The following UNC5C variants were observed in gnomAD, a reference collection of about 807,000 sequenced individuals.
UNC5C encodes unc-5 netrin receptor C.
A neutral mutation model predicts 99.8 loss-of-function variants in UNC5C; 47 were observed. The observed-to-expected ratio is 0.47, with a 90% CI of 0.37 to 0.60. The LOEUF is 0.60. Ranked by LOEUF, UNC5C falls within the 20% of genes least tolerant of loss-of-function variation. UNC5C has a pLI of 0.00. For missense variants in UNC5C, 1,062 were observed against 1,165.9 expected (o/e 0.91, Z 1.30); for synonymous variants, 487 against 452.2 (o/e 1.08, Z -0.98).
At chr4:95,533,944 G>A (rs1395795754) in intron 1 of UNC5C, among the ~76,000 whole-genome samples, 1 of 152,106 alleles carries the variant, frequency 6.6e-6, no homozygotes, top group African/African-American at 2.4e-5. Context: ...CCCCACATAA[G>A]CAGTTTAATC....
chr4:95,544,403 G>T (rs1338852961), intron 1 of UNC5C, among the ~76,000 whole-genome samples: 1 of 152,112 alleles, frequency 6.6e-6, no homozygotes, highest in Non-Finnish European at 1.5e-5. Context: ...CTGCTCCCAC[G>T]TTCTTCTGTG....
At chr4:95,479,579 C>G (rs556172915) in intron 1 of UNC5C, among the ~76,000 whole-genome samples, 8 of 151,876 alleles carry the variant, frequency 5.3e-5, no homozygotes, top group Middle Eastern at 3.4e-3. Flanking sequence ...AACTATAGTA[C>G]CCAGTGGAAG....
chr4:95,193,016 C>T (rs138285897), intron 12 of UNC5C, among the ~76,000 whole-genome samples: 152 of 152,308 alleles, frequency 1.0e-3, no homozygotes, highest in African/African-American at 3.4e-3. Flanking sequence ...AAAGTTAAGT[C>T]TCATATAACC....
At chr4:95,425,646 A>G (rs1194461179) in intron 1 of UNC5C, among the ~76,000 whole-genome samples, 1 of 152,168 alleles carries the variant, frequency 6.6e-6, no homozygotes, top group Non-Finnish European at 1.5e-5. Flanking sequence ...TAAATAATTG[A>G]CTCACTTGTT....
intron 1 of UNC5C, among the ~76,000 whole-genome samples, chr4:95,413,536 C>G (rs766602258): frequency 6.6e-6 from 1 of 152,148 alleles, no homozygotes. Context: ...ATTACCTTTG[C>G]ACTTTATTGA....
chr4:95,314,055 G>A (rs775483970), intron 2 of UNC5C, among the ~76,000 whole-genome samples: 1 of 152,128 alleles, frequency 6.6e-6, no homozygotes, highest in African/African-American at 2.4e-5. Flanking sequence ...AAAATGTACT[G>A]CATCATAATT....
chr4:95,343,246 C>G (rs1743645727), intron 1 of UNC5C, among the ~76,000 whole-genome samples: 1 of 152,040 alleles, frequency 6.6e-6, no homozygotes, highest in South Asian at 2.1e-4. Flanking sequence ...CAGCATTGTC[C>G]CAGTGTTGGG....
chr4:95,416,174 C>T (rs57988720), intron 1 of UNC5C, among the ~76,000 whole-genome samples: 20,179 of 152,074 alleles, frequency 0.13, 1,438 homozygotes, highest in East Asian at 0.2. Context: ...GCTTATTTTA[C>T]AGAATGGGCT....
chr4:95,300,257 G>A (rs950796447), intron 3 of UNC5C, among the ~76,000 whole-genome samples: 7 of 152,230 alleles, frequency 4.6e-5, no homozygotes, highest in African/African-American at 1.7e-4. Flanking sequence ...AAAGGGCTCT[G>A]CAAGCTGCAG....
At chr4:95,392,630 A>G (rs1451631414) in intron 1 of UNC5C, among the ~76,000 whole-genome samples, 1 of 151,624 alleles carries the variant, frequency 6.6e-6, no homozygotes, top group Non-Finnish European at 1.5e-5. Context: ...TAGAGATGAG[A>G]GAGTCTCATT....
chr4:95,169,046 G>C lies in UNC5C; in HGVS notation c.*188C>G. 1 of 642,772 alleles carries C rather than the reference G, an allele frequency of 1.6e-6. No individual in the cohort carries two copies. The highest frequency in any genetic ancestry group is 2.6e-6 in the Non-Finnish European group (1 of 385,562). The allele number at this position is 642,772 out of a possible 1,614,324, so 39.8% of individuals were successfully genotyped here. ...ATTTACACAATTTTTCTTAACTCCC[G>C]TGATGATGTCCGAGTAAAGTGGGCA... On this transcript the variant is annotated 3_prime_UTR_variant, in exon 16 of 16. Coordinates refer to ENST00000453304, the MANE Select transcript of UNC5C (RefSeq NM_003728.4).
chr4:95,174,040 T>C (rs1374593592), intron 14 of UNC5C, among the ~76,000 whole-genome samples: 1 of 152,192 alleles, frequency 6.6e-6, no homozygotes, highest in Non-Finnish European at 1.5e-5. Context: ...GAGGTGTTTG[T>C]AGTATTCTCT....
At chr4:95,492,695 ATGGAGAGGCCTGC>A (rs1721530153) in intron 1 of UNC5C, among the ~76,000 whole-genome samples, 1 of 151,514 alleles carries the variant, frequency 6.6e-6, no homozygotes, top group African/African-American at 2.4e-5. Flanking sequence ...TAAGTTACTA[ATGGAGAGGCCTGC>A]TGTGATGAAC....
intron 15 of UNC5C, 129 bp downstream of exon 15, chr4:95,170,025 T>G: frequency 8.0e-7 from 1 of 1,256,622 alleles, no homozygotes; most frequent in Admixed American, 2.4e-5. Flanking sequence ...TTAATGCATA[T>G]TTGCAAAATG....
chr4:95,351,403 T>C (rs747048834), intron 1 of UNC5C, among the ~76,000 whole-genome samples: 6 of 152,042 alleles, frequency 3.9e-5, no homozygotes, highest in Non-Finnish European at 8.8e-5. Context: ...TTATAGGAAT[T>C]ACTCTATTAA....
In UNC5C at chr4:95,510,435, C is replaced by T. The variant is rs190407753; in HGVS notation, c.124+38299G>A. Among the ~76,000 whole-genome samples the T allele has an allele frequency of 7.8e-3, 984 of 126,572 alleles. 13 individuals are homozygous for T. The highest frequency in any genetic ancestry group is 0.04 in the African/African-American group (919 of 23,182). The allele number at this position is 126,572 out of a possible 152,430, so 83.0% of individuals were successfully genotyped here. On this transcript the variant is annotated intron_variant, in intron 1 of 15. Transcript: ENST00000453304. The stretch of plus-strand genomic sequence containing the variant: ...ATAGCTAATAATCATTCTTTTTTTC[C>T]TTAATTTTTTATTCAAAACTATTTT...
intron 1 of UNC5C, among the ~76,000 whole-genome samples, chr4:95,410,323 C>T (rs1745943803): frequency 6.6e-6 from 1 of 152,064 alleles, no homozygotes; most frequent in African/African-American, 2.4e-5. Context: ...CTACTAGGTC[C>T]CAGTCTCATT....
chr4:95,383,293 A>C (rs1745124256), intron 1 of UNC5C, among the ~76,000 whole-genome samples: 1 of 151,648 alleles, frequency 6.6e-6, no homozygotes, highest in Non-Finnish European at 1.5e-5. Flanking sequence ...ACACACACTT[A>C]TTTATTGTTA....
chr4:95,348,441 T>G (rs1012458373), intron 1 of UNC5C, among the ~76,000 whole-genome samples: 2 of 151,384 alleles, frequency 1.3e-5, no homozygotes, highest in African/African-American at 4.8e-5. Context: ...AATCAGTATA[T>G]TGAAGAGATA....
Sources: gnomAD v4.1 joint callset for allele counts (sites outside exome capture counted in the v4.1 genomes callset) on GRCh38, gnomAD v4.1.1 for gene constraint, MANE v1.5 for transcripts, NCBI Gene and HGNC (gene_info 2026-07-23, HGNC 2026-07-21) for gene names.